The following IARS1 variants were observed in gnomAD, a reference collection of about 807,000 sequenced individuals.
IARS1 encodes the protein isoleucine--tRNA ligase, cytoplasmic.
Under a neutral mutation model 168.2 loss-of-function variants are expected in IARS1, and 124 were observed. The ratio of observed to expected loss-of-function variants is 0.74; its 90% CI spans 0.64 to 0.86. IARS1 has a LOEUF of 0.86. IARS1 is among the 40% of genes least tolerant of loss of function. IARS1 has a pLI of 0.00. For missense variants in IARS1, 1,452 were observed against 1,515.8 expected, an observed-to-expected ratio of 0.96 and a Z score of 0.70; for synonymous variants, 532 against 529.4, an observed-to-expected ratio of 1.00 and a Z score of -0.07.
chr9:92,289,442 A>C lies in IARS1; in HGVS notation c.-7-16T>G, dbSNP rs775164054. The C allele has an allele frequency of 5.8e-6, 6 of 1,028,954 alleles. No individual in the cohort carries two copies. In the East Asian group the frequency reaches 1.4e-4, roughly 24 times the overall value. 63.7% of individuals were successfully genotyped at this position (1,028,954 alleles called of 1,614,324 possible). ...CATTTTGTTGCTGCAAAAGAAATCA[A>C]ATTTATTACTGTCAAAAGAGAAATC... On this transcript the variant is annotated splice_polypyrimidine_tract_variant and intron_variant, in intron 1 of 33. Coordinates refer to ENST00000443024, the MANE Select transcript of IARS1 (RefSeq NM_002161.6).
intron 20 of IARS1, chr9:92,253,846 T>G (rs768163886): frequency 2.1e-6 from 1 of 484,296 alleles, no homozygotes; most frequent in Non-Finnish European, 4.1e-6. Flanking sequence ...TATTACACTG[T>G]ACTTCAACTA....
chr9:92,271,854 G>A lies in IARS1; in HGVS notation c.991-199C>T, dbSNP rs184138067. Among the ~76,000 whole-genome samples, 28 of 152,306 alleles carry A rather than the reference G, an allele frequency of 1.8e-4. 1 individual carries two copies. The East Asian group carries it at 3.9e-3, about 21-fold the overall frequency. Reference sequence around the variant, plus strand: ...GACAGGGGTTAGGTCACCCAGTCTAGTCTTCTCAAATATTATTTCCCAGAC... The same window carrying A: ...GACAGGGGTTAGGTCACCCAGTCTAATCTTCTCAAATATTATTTCCCAGAC... On this transcript the variant is annotated intron_variant, in intron 10 of 33. Transcript: ENST00000443024.
intron 1 of IARS1, among the ~76,000 whole-genome samples, chr9:92,292,181 C>CTTTTTTTTTTTTTTTTT (rs57075703): frequency 8.5e-6 from 1 of 118,052 alleles, no homozygotes; most frequent in African/African-American, 3.2e-5. Context: ...CCACACTCAG[C>CTTTTTTTTTTTTTTTTT]TTTTTTTTTT....
chr9:92,218,325 A>G (rs1291849614), intron 33 of IARS1, among the ~76,000 whole-genome samples: 1 of 140,800 alleles, frequency 7.1e-6, no homozygotes, highest in African/African-American at 2.8e-5. Flanking sequence ...ATCATACTGA[A>G]TGGGCAAAAA....
rs1057439870 is a variant in IARS1 at position 92,293,631 on chromosome 9, G to C, written c.-28C>G. 1.9e-5 allele frequency: 6 copies of C among 319,432 alleles called. No homozygotes were observed. Among genetic ancestry groups the C allele is most frequent in the African/African-American group, 4.4e-5 (2 of 45,840 alleles). 19.8% of individuals were successfully genotyped at this position (319,432 alleles called of 1,614,324 possible). A position where few individuals can be genotyped will look rare whatever the true frequency, so the allele number is the denominator to read the frequency against. ...CGTACCTGAGGGGCCTCGCGTGCCT[G>C]GACAGCCCCGCGGGCCAGCAAGCCT... is the stretch of plus-strand genomic sequence containing the variant. On this transcript the variant is annotated 5_prime_UTR_variant, in exon 1 of 34. Transcript: ENST00000443024.
At chr9:92,222,717 C>T in intron 32 of IARS1, 45 bp from the exon 33 acceptor site, 1 of 1,605,712 alleles carries the variant, frequency 6.2e-7, no homozygotes, top group Non-Finnish European at 8.5e-7. Context: ...AGAGTTCACC[C>T]TCTAGCTCCA....
At chr9:92,293,325 G>A (rs1463224753) in intron 1 of IARS1, 8 of 282,484 alleles carry the variant, frequency 2.8e-5, no homozygotes, top group Middle Eastern at 1.3e-3. Flanking sequence ...CGCAGCCATT[G>A]AAGGTAATAA....
At chr9:92,276,518 C>A (rs568175486) in intron 9 of IARS1, among the ~76,000 whole-genome samples, 1 of 152,060 alleles carries the variant, frequency 6.6e-6, no homozygotes, top group Non-Finnish European at 1.5e-5. Context: ...AGGAAGAAGG[C>A]TATCAAGTAG....
At chr9:92,220,839 T>C (rs1839562735) in intron 33 of IARS1, among the ~76,000 whole-genome samples, 1 of 151,790 alleles carries the variant, frequency 6.6e-6, no homozygotes, top group South Asian at 2.1e-4. Context: ...TGGTGGCGCG[T>C]GCCTGTAGTC....
chr9:92,260,920 T>C (rs1039884101), intron 17 of IARS1, among the ~76,000 whole-genome samples: 1 of 152,134 alleles, frequency 6.6e-6, no homozygotes, highest in African/African-American at 2.4e-5. Flanking sequence ...AAACAAACCA[T>C]GGCATACCCA....
chr9:92,289,651 A>T (rs1185840589), intron 1 of IARS1, among the ~76,000 whole-genome samples: 1 of 152,130 alleles, frequency 6.6e-6, no homozygotes, highest in African/African-American at 2.4e-5. Flanking sequence ...AAACGTTTTC[A>T]ACCTCCCCTC....
chr9:92,224,380 CTAGGAG>C (rs1825300657), intron 31 of IARS1, among the ~76,000 whole-genome samples: 1 of 136,482 alleles, frequency 7.3e-6, no homozygotes, highest in Non-Finnish European at 1.6e-5. Context: ...GCAGAAATAG[CTAGGAG>C]TAGATCTACA....
At chr9:92,214,692 C>T (rs1174430936) in intron 33 of IARS1, among the ~76,000 whole-genome samples, 1 of 152,224 alleles carries the variant, frequency 6.6e-6, no homozygotes, top group African/African-American at 2.4e-5. Flanking sequence ...TCACTCCCAC[C>T]CGAATACTGC....
Position 92,249,880 on chromosome 9 carries a change from G to A in IARS1, c.2594C>T (p.Ser865Phe). 6.3e-7 allele frequency: 1 copy of A among 1,597,404 alleles called. No homozygotes were observed. Among genetic ancestry groups the A allele is most frequent in the Non-Finnish European group, 8.6e-7 (1 of 1,165,446 alleles). The change falls in exon 25 of 34, where the codon TCT becomes TTT. Residue 865 changes from serine (S) to phenylalanine (F), a missense_variant. Coordinates refer to ENST00000443024, the MANE Select transcript of IARS1 (RefSeq NM_002161.6). Reference protein sequence around the residue: ...QDPEALKDIKSLEKYIIEELN... With the variant: ...QDPEALKDIKFLEKYIIEELN... ...TACCTCAATGATATACTTCTCCAAA[G>A]ACTTGATATCTTTAAGAGCTTCTGG...
chr9:92,272,394 G>C (rs1432805518), intron 10 of IARS1, among the ~76,000 whole-genome samples: 1 of 152,198 alleles, frequency 6.6e-6, no homozygotes, highest in East Asian at 1.9e-4. Flanking sequence ...ACTGAGTGTG[G>C]AGCAAGTAAC....
chr9:92,283,713 C>T lies in IARS1; in HGVS notation c.597+2009G>A, dbSNP rs57968036. Among the ~76,000 whole-genome samples the T allele has an allele frequency of 3.9e-5, 6 of 152,132 alleles. No individual in the cohort carries two copies. The East Asian group carries it at 7.7e-4, about 20-fold the overall frequency. ...CTACTTGTTATATAACCAACTGAAA[C>T]GTGTACAAGACCTAAAAGACAACAG... On this transcript the variant is annotated intron_variant, in intron 6 of 33. Transcript: ENST00000443024.
intron 26 of IARS1, among the ~76,000 whole-genome samples, chr9:92,246,418 AT>A (rs1829209034): frequency 6.6e-6 from 1 of 152,166 alleles, no homozygotes; most frequent in African/African-American, 2.4e-5. Flanking sequence ...TATGATTCTA[AT>A]CATGGCAGAG....
intron 33 of IARS1, among the ~76,000 whole-genome samples, chr9:92,215,134 T>A (rs995624471): frequency 6.6e-5 from 10 of 152,240 alleles, no homozygotes; most frequent in South Asian, 2.1e-4. Flanking sequence ...GAGCAGCCTA[T>A]CTGGGAGGCA....
At chr9:92,251,108 T>C (rs1390641700) in intron 22 of IARS1, 1 of 499,062 alleles carries the variant, frequency 2.0e-6, no homozygotes, top group Non-Finnish European at 3.9e-6. Context: ...ATCAGCCAAG[T>C]CAATATGCAC....
Sources: allele counts gnomAD v4.1 joint callset (sites outside exome capture counted in the v4.1 genomes callset), GRCh38; gene constraint gnomAD v4.1.1; transcripts MANE v1.5; gene names NCBI Gene and HGNC (gene_info 2026-07-23, HGNC 2026-07-21).